The following LRP1B variants were observed in gnomAD, a reference collection of about 807,000 sequenced individuals.
LRP1B encodes LDL receptor related protein 1B, also known as low-density lipoprotein receptor-related protein 1B.
A neutral mutation model predicts 556.6 loss-of-function variants in LRP1B; 217 were observed. The ratio of observed to expected loss-of-function variants is 0.39; its 90% CI spans 0.35 to 0.44. The LOEUF (loss-of-function observed/expected upper bound fraction) is 0.44, where lower values mean the gene tolerates loss of function less well. Among genes scored for constraint, LRP1B ranks in the 20% least tolerant of loss-of-function variants. The probability of loss-of-function intolerance (pLI) is 1.00; values close to 1 mark genes in which losing one functional copy is unlikely to be tolerated. For synonymous variants in LRP1B, 2,047 were observed against 1,865.8 expected (o/e 1.10, Z -2.50); for missense variants, 5,053 against 5,620.8 (o/e 0.90, Z 3.23).
intron 6 of LRP1B, among the ~76,000 whole-genome samples, chr2:141,193,868 T>C (rs1681632288): frequency 6.6e-6 from 1 of 152,058 alleles, no homozygotes. Flanking sequence ...ATTACTTCAT[T>C]CTCCTGGGGA....
At chr2:140,236,363 AAGTC>A (rs1229961402) in intron 89 of LRP1B, among the ~76,000 whole-genome samples, 2 of 150,950 alleles carry the variant, frequency 1.3e-5, no homozygotes, top group Non-Finnish European at 3.0e-5. Flanking sequence ...TAACTTTTGT[AAGTC>A]AGAAAAATAA....
chr2:142,101,536 C>A lies in LRP1B; in HGVS notation c.82+29112G>T, dbSNP rs185846727. 1.1e-4 allele frequency among the ~76,000 whole-genome samples: 17 copies of A among 152,066 alleles called. No individual in the cohort carries two copies. The East Asian group carries it at 3.3e-3, about 29-fold the overall frequency. On this transcript the variant is annotated intron_variant, in intron 1 of 90. Transcript: ENST00000389484. ...CCTGATGATATAGGATTCTAGATGA[C>A]TCTTACAGTCCTAAAGACTCCAAAT...
chr2:141,964,102 A>G (rs1701487155), intron 1 of LRP1B, among the ~76,000 whole-genome samples: 1 of 145,896 alleles, frequency 6.9e-6, no homozygotes, highest in African/African-American at 2.6e-5. Flanking sequence ...AGAGGATACA[A>G]ACAAATGGAA....
At chr2:141,973,155 C>CAATTGTTA (rs1701793517) in intron 1 of LRP1B, among the ~76,000 whole-genome samples, 2 of 151,454 alleles carry the variant, frequency 1.3e-5, no homozygotes, top group Admixed American at 1.3e-4. Context: ...ATGAACAGAA[C>CAATTGTTA]AATTGTTAAA....
At chr2:140,730,073 C>T (rs1278513313) in intron 35 of LRP1B, among the ~76,000 whole-genome samples, 1 of 152,182 alleles carries the variant, frequency 6.6e-6, no homozygotes, top group African/African-American at 2.4e-5. Context: ...CACATCCAAT[C>T]AATCAGCAAG....
chr2:140,788,651 AG>A (rs767893669), intron 32 of LRP1B, among the ~76,000 whole-genome samples: 9 of 152,218 alleles, frequency 5.9e-5, no homozygotes, highest in Non-Finnish European at 8.8e-5. Flanking sequence ...TGCTCAGTTT[AG>A]GAAAGTAATG....
In LRP1B at chr2:141,815,019, A is replaced by G. The variant is rs145439311; in HGVS notation, c.83-4618T>C. 4.2e-3 allele frequency among the ~76,000 whole-genome samples: 643 copies of G among 152,258 alleles called. 2 individuals are homozygous for G. Among genetic ancestry groups the G allele is most frequent in the African/African-American group, 0.014 (589 of 41,542 alleles). On this transcript the variant is annotated intron_variant, in intron 1 of 90. Coordinates refer to ENST00000389484, the MANE Select transcript of LRP1B (RefSeq NM_018557.3). ...AATTCTGATAACTGAATCACTCATG[A>G]TAAAGTTCAAGTACAGTGAGTTCTA... is the stretch of plus-strand genomic sequence containing the variant.
chr2:141,804,427 A>G (rs774585745), intron 2 of LRP1B, among the ~76,000 whole-genome samples: 1 of 152,102 alleles, frequency 6.6e-6, no homozygotes, highest in Non-Finnish European at 1.5e-5. Flanking sequence ...AGGTTTTTGG[A>G]AGAGTTCCTA....
intron 7 of LRP1B, among the ~76,000 whole-genome samples, chr2:141,167,911 A>C (rs1178781844): frequency 6.6e-6 from 1 of 152,146 alleles, no homozygotes; most frequent in East Asian, 1.9e-4. Context: ...ATTCAAATCT[A>C]GGTCTGCTGG....
intron 21 of LRP1B, 71 bp from the exon 22 acceptor site, chr2:140,908,148 T>G: frequency 3.4e-6 from 4 of 1,190,222 alleles, no homozygotes; most frequent in Non-Finnish European, 3.7e-6. Flanking sequence ...TGGCCATTAT[T>G]GTCTTCAGTC....
chr2:140,918,971 T>C (rs906331400), intron 21 of LRP1B, among the ~76,000 whole-genome samples: 1 of 152,026 alleles, frequency 6.6e-6, no homozygotes, highest in Non-Finnish European at 1.5e-5. Context: ...GCAACTATTC[T>C]GCTTGTCATA....
At chr2:141,139,013 G>A (rs1402361522) in intron 7 of LRP1B, among the ~76,000 whole-genome samples, 1 of 151,794 alleles carries the variant, frequency 6.6e-6, no homozygotes, top group Non-Finnish European at 1.5e-5. Context: ...AAATCAATAG[G>A]ACAGAATAAA....
At chr2:141,454,924 T>C (rs1681574039) in intron 3 of LRP1B, among the ~76,000 whole-genome samples, 1 of 152,304 alleles carries the variant, frequency 6.6e-6, no homozygotes, top group South Asian at 2.1e-4. Context: ...TCTTCTGGCA[T>C]CTCTTTTATA....
chr2:141,964,998 C>T (rs1278111167), intron 1 of LRP1B, among the ~76,000 whole-genome samples: 12 of 145,694 alleles, frequency 8.2e-5, no homozygotes, highest in East Asian at 6.1e-4. Flanking sequence ...TGAAAAAATG[C>T]TCATCATCAC....
At chr2:141,802,614 G>T (rs2105690719) in intron 2 of LRP1B, among the ~76,000 whole-genome samples, 1 of 151,998 alleles carries the variant, frequency 6.6e-6, no homozygotes, top group East Asian at 1.9e-4. Context: ...GAAGACATGG[G>T]GAGAGGGAGA....
intron 7 of LRP1B, among the ~76,000 whole-genome samples, chr2:141,169,763 G>T (rs997943498): frequency 3.6e-5 from 4 of 112,342 alleles, no homozygotes; most frequent in Non-Finnish European, 5.2e-5. Context: ...CAAAGCAAAA[G>T]ATATGGCTCT....
Position 140,951,745 on chromosome 2 carries a change from G to T in LRP1B, c.2968+115C>A, listed in dbSNP as rs551600351. 101 of 737,650 alleles carry T rather than the reference G, an allele frequency of 1.4e-4. 1 individual carries two copies. In the East Asian group the frequency reaches 2.1e-3, roughly 15 times the overall value. The allele number at this position is 737,650 out of a possible 1,614,324, so 45.7% of individuals were successfully genotyped here. On this transcript the variant is annotated intron_variant, in intron 19 of 90. Transcript: ENST00000389484. ...TGCCCGCTCACCACTTGTTTTAGCC[G>T]TTTTTCTTGGCTCTGCAAGATTCCC...
intron 1 of LRP1B, among the ~76,000 whole-genome samples, chr2:141,958,284 T>C (rs1210095816): frequency 6.6e-6 from 1 of 152,042 alleles, no homozygotes; most frequent in East Asian, 1.9e-4. Context: ...ACAGTAAATG[T>C]GTCATTTGCT....
intron 41 of LRP1B, among the ~76,000 whole-genome samples, chr2:140,650,899 C>A (rs1433005835): frequency 2.0e-5 from 3 of 151,988 alleles, no homozygotes; most frequent in Admixed American, 6.6e-5. Flanking sequence ...AAGCAGTGAG[C>A]CTCTTTAGCC....
Sources: allele counts gnomAD v4.1 joint callset (sites outside exome capture counted in the v4.1 genomes callset), GRCh38; gene constraint gnomAD v4.1.1; transcripts MANE v1.5; gene names NCBI Gene and HGNC (gene_info 2026-07-23, HGNC 2026-07-21).